Variants in TBC1D5 observed in about 807,000 individuals in gnomAD.
TBC1D5 encodes the protein TBC1 domain family member 5, also known as TBC1 domain family, member 5.
Under a neutral mutation model 100.3 loss-of-function variants are expected in TBC1D5, and 75 were observed. The ratio of observed to expected loss-of-function variants is 0.75; its 90% confidence interval spans 0.62 to 0.91. The LOEUF (loss-of-function observed/expected upper bound fraction) is 0.91, where lower values mean the gene tolerates loss of function less well. Ranked by LOEUF, TBC1D5 falls within the 40% of genes least tolerant of loss-of-function variation. The probability of loss-of-function intolerance (pLI) is 0.00; values close to 1 mark genes in which losing one functional copy is unlikely to be tolerated. For synonymous variants in TBC1D5, 323 were observed against 325.6 expected (o/e 0.99, Z 0.09); for missense variants, 910 against 942.4 (o/e 0.97, Z 0.45).
intron 13 of TBC1D5, among the ~76,000 whole-genome samples, chr3:17,358,567 C>T (rs1479233419): frequency 6.6e-6 from 1 of 152,140 alleles, no homozygotes; most frequent in Non-Finnish European, 1.5e-5. Context: ...TTTAATAAAA[C>T]CTGAATCTAC....
chr3:17,566,202 T>C (rs2096592494), intron 2 of TBC1D5, among the ~76,000 whole-genome samples: 1 of 152,186 alleles, frequency 6.6e-6, no homozygotes, highest in East Asian at 1.9e-4. Flanking sequence ...TAAGAGTTCA[T>C]GGATTACACA....
chr3:17,255,327 A>C (rs2077543349), intron 16 of TBC1D5, among the ~76,000 whole-genome samples: 1 of 152,036 alleles, frequency 6.6e-6, no homozygotes. Context: ...CAGCCTCCCG[A>C]GTAGCTGGGA....
intron 18 of TBC1D5, among the ~76,000 whole-genome samples, chr3:17,195,094 G>C (rs1003119195): frequency 6.6e-6 from 1 of 152,174 alleles, no homozygotes; most frequent in South Asian, 2.1e-4. Flanking sequence ...ATATGCATAT[G>C]GTATGTCTTC....
chr3:17,728,110 T>C (rs1029080271), intron 1 of TBC1D5, among the ~76,000 whole-genome samples: 1 of 152,150 alleles, frequency 6.6e-6, no homozygotes, highest in Non-Finnish European at 1.5e-5. Context: ...AATTATGTTA[T>C]ATGTGATTTT....
intron 16 of TBC1D5, among the ~76,000 whole-genome samples, chr3:17,246,448 C>G (rs1161381201): frequency 6.6e-6 from 1 of 151,960 alleles, no homozygotes; most frequent in Non-Finnish European, 1.5e-5. Flanking sequence ...TATGAAAATG[C>G]AAAGGAACTA....
intron 1 of TBC1D5, among the ~76,000 whole-genome samples, chr3:17,637,981 A>G (rs2064120302): frequency 6.6e-6 from 1 of 152,198 alleles, no homozygotes; most frequent in Non-Finnish European, 1.5e-5. Flanking sequence ...TTAATTAAGC[A>G]AATTATAGTA....
At chr3:17,207,801 T>A (rs1273487797) in intron 18 of TBC1D5, among the ~76,000 whole-genome samples, 1 of 152,258 alleles carries the variant, frequency 6.6e-6, no homozygotes. Flanking sequence ...CAGATTTTAC[T>A]GTACTTAGAC....
intron 2 of TBC1D5, among the ~76,000 whole-genome samples, chr3:17,518,167 GA>G (rs1231176683): frequency 6.6e-6 from 1 of 152,164 alleles, no homozygotes; most frequent in Non-Finnish European, 1.5e-5. Context: ...ATTCTAAGCA[GA>G]AAAGGGTGGG....
chr3:17,524,704 C>CA (rs1298200123), intron 2 of TBC1D5: 125 of 147,758 alleles, frequency 8.5e-4, no homozygotes, highest in African/African-American at 2.4e-3. Context: ...ACTAAAAATA[C>CA]AAAAAAAAAA....
intron 1 of TBC1D5, among the ~76,000 whole-genome samples, chr3:17,656,849 C>A (rs548538672): frequency 1.3e-5 from 2 of 151,808 alleles, no homozygotes; most frequent in East Asian, 1.9e-4. Context: ...ATATAAAATG[C>A]GCATTCGAAT....
chr3:17,622,890 A>G (rs2062780100), intron 2 of TBC1D5: 1 of 152,198 alleles, frequency 6.6e-6, no homozygotes, highest in Non-Finnish European at 1.5e-5. Flanking sequence ...CACCTGATTA[A>G]TACTACCAGG....
intron 2 of TBC1D5, among the ~76,000 whole-genome samples, chr3:17,564,873 GA>G (rs1225938910): frequency 6.6e-6 from 1 of 151,038 alleles, no homozygotes; most frequent in East Asian, 1.9e-4. Context: ...CCATGAGTGG[GA>G]AAAAAAGAAG....
At chr3:17,160,694 C>T (rs745660629) in exon 22 of TBC1D5, 38 of 440,152 alleles carry the variant, frequency 8.6e-5, no homozygotes, top group Non-Finnish European at 1.2e-4. Flanking sequence ...ATACTGGGTA[C>T]GTAACTCAGC....
At chr3:17,601,233 G>A (rs554537216) in intron 2 of TBC1D5, among the ~76,000 whole-genome samples, 9 of 152,312 alleles carry the variant, frequency 5.9e-5, no homozygotes, top group South Asian at 2.1e-4. Context: ...AATATGGGCC[G>A]GGTGCAGTGG....
At chr3:17,667,938 A>T (rs935736592) in intron 1 of TBC1D5, among the ~76,000 whole-genome samples, 6 of 151,840 alleles carry the variant, frequency 4.0e-5, no homozygotes, top group African/African-American at 1.4e-4. Flanking sequence ...TTTAAGATTA[A>T]CGCATTTAAT....
chr3:17,236,241 G>A (rs2075840376), intron 17 of TBC1D5, among the ~76,000 whole-genome samples: 2 of 152,064 alleles, frequency 1.3e-5, no homozygotes, highest in Admixed American at 1.3e-4. Flanking sequence ...TGACTCATTT[G>A]CCTGCCATCA....
chr3:17,489,536 T>C (rs2095612239), intron 3 of TBC1D5, among the ~76,000 whole-genome samples: 2 of 152,178 alleles, frequency 1.3e-5, no homozygotes, highest in South Asian at 2.1e-4. Context: ...CCTGTGTCCA[T>C]GTGTTCTCAT....
At chr3:17,613,256 G>A (rs1156737366) in intron 2 of TBC1D5, among the ~76,000 whole-genome samples, 1 of 152,148 alleles carries the variant, frequency 6.6e-6, no homozygotes, top group African/African-American at 2.4e-5. Flanking sequence ...TGGTGTATAT[G>A]GGCCACATTT....
chr3:17,189,911 T>C lies in TBC1D5; in HGVS notation c.1753-4703A>G, dbSNP rs574994575. ...GATATGATTGGCTGTATTGTTTTGT[T>C]GTTTGTTGAATGATTTTCTTTTTGA... On this transcript the variant is annotated intron_variant, in intron 18 of 21. Transcript: ENST00000253692. 2.0e-5 allele frequency among the ~76,000 whole-genome samples: 3 copies of C among 152,356 alleles called. No individual in the cohort carries two copies. The South Asian group carries it at 6.2e-4, about 32-fold the overall frequency.
Sources: allele counts gnomAD v4.1 joint callset (sites outside exome capture counted in the v4.1 genomes callset), GRCh38; gene constraint gnomAD v4.1.1; transcripts MANE v1.5; gene names NCBI Gene and HGNC (gene_info 2026-07-23, HGNC 2026-07-21).